BLTP1: variants seen among roughly 807,000 people sequenced by gnomAD.
BLTP1 encodes fragile site-associated protein.
chr4:122,341,571 G>A, the BLTP1 span: 1 of 553,198 alleles, frequency 1.8e-6, no homozygotes, highest in African/African-American at 2.1e-5. Context: ...TATGAAATGA[G>A]AAATTTTTTA....
chr4:122,231,883 T>A, the BLTP1 span: 1 of 892,714 alleles, frequency 1.1e-6, no homozygotes, highest in Non-Finnish European at 1.3e-6. Flanking sequence ...TTATTGAAAT[T>A]ACATTAATCT....
At chr4:122,206,672 A>G in the BLTP1 span, among the ~76,000 whole-genome samples, 1 of 151,840 alleles carries the variant, frequency 6.6e-6, no homozygotes, top group East Asian at 1.9e-4. Context: ...ATGAGCTATT[A>G]TGCCAAATTT....
the BLTP1 span, among the ~76,000 whole-genome samples, chr4:122,176,746 A>C: frequency 6.6e-6 from 1 of 152,214 alleles, no homozygotes; most frequent in African/African-American, 2.4e-5. Context: ...TCAAAAAACA[A>C]ATATTTAGAA....
chr4:122,162,463 G>A, the BLTP1 span: 1 of 959,236 alleles, frequency 1.0e-6, no homozygotes, highest in South Asian at 4.8e-5. Context: ...TTGAGGACCT[G>A]TGGGCAGGTT....
At chr4:122,258,375 A>G in the BLTP1 span, among the ~76,000 whole-genome samples, 1 of 152,240 alleles carries the variant, frequency 6.6e-6, no homozygotes, top group Non-Finnish European at 1.5e-5. Context: ...AATCTACACA[A>G]AAGTTTGAAA....
the BLTP1 span, among the ~76,000 whole-genome samples, chr4:122,302,864 A>G: frequency 6.6e-6 from 1 of 152,218 alleles, no homozygotes; most frequent in African/African-American, 2.4e-5. Context: ...ATTTTCTTCA[A>G]TTCTATGAAG....
the BLTP1 span, among the ~76,000 whole-genome samples, chr4:122,342,020 T>C: frequency 2.6e-5 from 4 of 152,132 alleles, no homozygotes; most frequent in South Asian, 2.1e-4. Flanking sequence ...TTTAGAGAGA[T>C]AGGAAAGAGC....
the BLTP1 span, chr4:122,254,769 C>T: frequency 6.9e-7 from 1 of 1,459,466 alleles, no homozygotes; most frequent in Non-Finnish European, 9.1e-7. Flanking sequence ...CAAATTTTGA[C>T]ACTTGTTTTT....
the BLTP1 span, chr4:122,238,222 G>A: frequency 1.9e-6 from 3 of 1,614,054 alleles, no homozygotes; most frequent in East Asian, 2.2e-5. Context: ...CCTCAGAAGA[G>A]AACAGTAGTT....
chr4:122,206,378 G>T, the BLTP1 span, among the ~76,000 whole-genome samples: 12 of 151,976 alleles, frequency 7.9e-5, no homozygotes, highest in African/African-American at 2.9e-4. Flanking sequence ...ATAGAATGCA[G>T]AAGAAAGTTC....
At chr4:122,356,951 TACTTTACA>T in the BLTP1 span, 1 of 984,080 alleles carries the variant, frequency 1.0e-6, no homozygotes, top group Non-Finnish European at 1.2e-6. Flanking sequence ...TGGTGTTTTA[TACTTTACA>T]AAGTGTTTCT....
the BLTP1 span, chr4:122,234,591 T>G: frequency 3.7e-6 from 1 of 270,548 alleles, no homozygotes; most frequent in Non-Finnish European, 5.7e-6. Context: ...TAAGACTATA[T>G]TTTTTAGAAA....
chr4:122,196,875 A>C, the BLTP1 span: 1 of 638,704 alleles, frequency 1.6e-6, no homozygotes, highest in Non-Finnish European at 2.4e-6. Flanking sequence ...GACTAGTCCC[A>C]TACTTGGATT....
the BLTP1 span, chr4:122,286,543 G>A: frequency 6.2e-7 from 1 of 1,613,974 alleles, no homozygotes; most frequent in Middle Eastern, 1.7e-4. Context: ...TCTTACAGGT[G>A]CACAGACAAG....
At chr4:122,152,396 T>C in the BLTP1 span, 3 of 985,328 alleles carry the variant, frequency 3.0e-6, no homozygotes, top group Non-Finnish European at 3.6e-6. Flanking sequence ...TGTCGGTGGC[T>C]GCGGCCAGGG....
At chr4:122,350,187 C>G in the BLTP1 span, 3 of 1,446,398 alleles carry the variant, frequency 2.1e-6, no homozygotes, top group Non-Finnish European at 1.8e-6. Flanking sequence ...AGCCCACAGG[C>G]TCTTTATCTC....
At chr4:122,292,760 A>G in the BLTP1 span, 1 of 234,058 alleles carries the variant, frequency 4.3e-6, no homozygotes, top group Non-Finnish European at 7.0e-6. Context: ...ACCAACTTGT[A>G]TATAAATCTA....
the BLTP1 span, chr4:122,307,316 C>G: frequency 4.3e-6 from 1 of 231,062 alleles, no homozygotes; most frequent in Non-Finnish European, 7.1e-6. Flanking sequence ...GTGGAATTTT[C>G]CACTTGTAGC....
At chr4:122,323,760 TGTTAC>T in the BLTP1 span, among the ~76,000 whole-genome samples, 1 of 152,140 alleles carries the variant, frequency 6.6e-6, no homozygotes, top group East Asian at 1.9e-4. Context: ...ACTTGTGTCC[TGTTAC>T]AAGTCATATT....
Sources: allele counts gnomAD v4.1 joint callset (sites outside exome capture counted in the v4.1 genomes callset), GRCh38; gene constraint gnomAD v4.1.1; transcripts MANE v1.5; gene names NCBI Gene and HGNC (gene_info 2026-07-23, HGNC 2026-07-21).